KIF16B: variants seen among roughly 807,000 people sequenced by gnomAD.
KIF16B encodes kinesin family member 16B.
Under a neutral mutation model 156.3 loss-of-function variants are expected in KIF16B, and 98 were observed. The observed-to-expected ratio is 0.63, with a 90% CI of 0.53 to 0.74. The LOEUF (loss-of-function observed/expected upper bound fraction) is 0.74, where lower values mean the gene tolerates loss of function less well. Ranked by LOEUF, KIF16B falls within the 30% of genes least tolerant of loss-of-function variation. The probability of loss-of-function intolerance (pLI) is 0.00; values close to 1 mark genes in which losing one functional copy is unlikely to be tolerated. For synonymous variants in KIF16B, 564 were observed against 583.7 expected, an observed-to-expected ratio of 0.97 and a Z score of 0.49; for missense variants, 1,421 against 1,606.5, an observed-to-expected ratio of 0.88 and a Z score of 1.97.
chr20:16,328,576 T>C (rs2063895727), intron 24 of KIF16B, among the ~76,000 whole-genome samples: 1 of 152,210 alleles, frequency 6.6e-6, no homozygotes, highest in Non-Finnish European at 1.5e-5. Context: ...CCTCAATGAT[T>C]GATTCCAGTA....
At chr20:16,439,805 T>A (rs932906426) in intron 12 of KIF16B, among the ~76,000 whole-genome samples, 1 of 152,050 alleles carries the variant, frequency 6.6e-6, no homozygotes, top group Admixed American at 6.6e-5. Context: ...AAACTCCACC[T>A]CACAATACCA....
Position 16,511,520 on chromosome 20 carries a change from C to T in KIF16B, c.454G>A (p.Glu152Lys). ...TCTCTCACACGTTCGTTATAAATTT[C>T]TAAGTAGCTAAAAATTTAAAATAAA... ...ASFRTEVSYLEIYNERVRDLL... is the reference protein window; with the variant it reads ...ASFRTEVSYLKIYNERVRDLL... The change falls in exon 6 of 26, where the codon GAA becomes AAA. Residue 152 changes from glutamate to lysine, a missense_variant. Glu to Lys is a moderately conservative substitution (Grantham distance 56). Transcript: ENST00000354981. 1 of 1,586,896 alleles carries T rather than the reference C, an allele frequency of 6.3e-7. No homozygotes were observed. Among genetic ancestry groups the T allele is most frequent in the Non-Finnish European group, 8.6e-7 (1 of 1,161,558 alleles).
intron 13 of KIF16B, 92 bp downstream of exon 13, chr20:16,429,771 T>C (rs1011273142): frequency 1.8e-6 from 2 of 1,107,246 alleles, no homozygotes; most frequent in Non-Finnish European, 2.5e-6. Context: ...TTTAGTTGTG[T>C]TCATGACCAT....
intron 13 of KIF16B, among the ~76,000 whole-genome samples, 173 bp downstream of exon 13, chr20:16,429,690 C>T (rs930636164): frequency 6.6e-6 from 1 of 152,114 alleles, no homozygotes; most frequent in Admixed American, 6.6e-5. Context: ...ACTTTAAATA[C>T]CAAAGAATCC....
Position 16,427,230 on chromosome 20 carries a change from G to A in KIF16B, c.1486C>T (p.Leu496Phe), listed in dbSNP as rs773090309. 54 of 1,609,074 alleles carry A rather than the reference G, an allele frequency of 3.4e-5. 1 individual carries two copies. In the South Asian group the frequency reaches 5.4e-4, roughly 16 times the overall value. ...ATGCAATGCTCACTCTCCAAGTCAA[G>A]GCCATGAAGAACTAAAGTGGAAAAA... ...STEQDIVLHGLDLESEHCIFE... is the reference protein window; with the variant it reads ...STEQDIVLHGFDLESEHCIFE... The change falls in exon 15 of 26, where the codon CTT (leucine) becomes TTT (phenylalanine). Residue 496 changes from leucine (L) to phenylalanine (F), a missense_variant. Transcript: ENST00000354981.
chr20:16,497,375 T>G (rs1483022404), intron 11 of KIF16B, among the ~76,000 whole-genome samples: 1 of 152,242 alleles, frequency 6.6e-6, no homozygotes. Context: ...AGGATCTGCA[T>G]ATCCATTTAA....
At chr20:16,524,311 C>T (rs2069455834) in intron 3 of KIF16B, among the ~76,000 whole-genome samples, 1 of 152,052 alleles carries the variant, frequency 6.6e-6, no homozygotes, top group South Asian at 2.1e-4. Flanking sequence ...CTACAAGGAA[C>T]TTAAACAAAT....
At position 16,573,210 on chromosome 20, in the gene KIF16B, C is replaced by A. The variant is rs2071520987; in HGVS notation, c.47+19G>T. The A allele has an allele frequency of 6.4e-7, 1 of 1,573,632 alleles. No individual in the cohort carries two copies. The highest frequency in any genetic ancestry group is 8.6e-7 in the Non-Finnish European group (1 of 1,159,728). ...GTGGGGGCGCGACGAGGGGGCGGGG[C>A]GCGGGCGGCCCCACTCACCTGCGAT... On this transcript the variant is annotated intron_variant, in intron 1 of 25. Coordinates refer to ENST00000354981, the MANE Select transcript of KIF16B (RefSeq NM_024704.5).
At chr20:16,331,169 G>T (rs2063941754) in intron 24 of KIF16B, among the ~76,000 whole-genome samples, 1 of 152,174 alleles carries the variant, frequency 6.6e-6, no homozygotes, top group African/African-American at 2.4e-5. Context: ...CCTACTGAGG[G>T]TTAGATTAAG....
chr20:16,441,929 T>G (rs147321093), intron 12 of KIF16B, among the ~76,000 whole-genome samples: 22 of 152,312 alleles, frequency 1.4e-4, no homozygotes, highest in Non-Finnish European at 2.4e-4. Flanking sequence ...TAAGTCTATA[T>G]CTGTATTATA....
chr20:16,438,379 C>T (rs2066705107), intron 12 of KIF16B, among the ~76,000 whole-genome samples: 1 of 152,110 alleles, frequency 6.6e-6, no homozygotes, highest in Admixed American at 6.6e-5. Context: ...ACTTTTATTA[C>T]AGTATAATGT....
chr20:16,473,662 T>C (rs755756779), intron 12 of KIF16B, among the ~76,000 whole-genome samples: 6 of 152,178 alleles, frequency 3.9e-5, no homozygotes, highest in Non-Finnish European at 8.8e-5. Flanking sequence ...AGGAATGCAG[T>C]GTGTGCAGAC....
chr20:16,453,058 T>A (rs999147983), intron 12 of KIF16B, among the ~76,000 whole-genome samples: 4 of 143,008 alleles, frequency 2.8e-5, no homozygotes, highest in Non-Finnish European at 6.1e-5. Context: ...AGTTCCAATA[T>A]AAAATATGAA....
At chr20:16,488,404 T>C (rs1277367175) in intron 12 of KIF16B, among the ~76,000 whole-genome samples, 1 of 152,198 alleles carries the variant, frequency 6.6e-6, no homozygotes, top group African/African-American at 2.4e-5. Context: ...ACCTTGAGCA[T>C]TTTTCTTTAA....
intron 25 of KIF16B, among the ~76,000 whole-genome samples, chr20:16,299,828 A>T (rs921134920): frequency 6.6e-6 from 1 of 152,220 alleles, no homozygotes; most frequent in African/African-American, 2.4e-5. Context: ...GGGAGGCAGG[A>T]ACAACCTTTA....
chr20:16,395,476 A>G, intron 17 of KIF16B, among the ~76,000 whole-genome samples: 1 of 152,136 alleles, frequency 6.6e-6, no homozygotes, highest in East Asian at 1.9e-4. Context: ...TCATCTGGGG[A>G]GAAGCCCTCA....
intron 22 of KIF16B, among the ~76,000 whole-genome samples, chr20:16,363,018 G>A (rs2064579609): frequency 6.6e-6 from 1 of 152,182 alleles, no homozygotes; most frequent in African/African-American, 2.4e-5. Flanking sequence ...CTTAACAAGA[G>A]ATTTGATGGT....
chr20:16,275,645 CTGGTCTCA>C (rs1239835859), intron 25 of KIF16B, among the ~76,000 whole-genome samples: 2 of 152,162 alleles, frequency 1.3e-5, no homozygotes, highest in Non-Finnish European at 2.9e-5. Context: ...CCCTAACTTA[CTGGTCTCA>C]TGGTACCCTC....
chr20:16,552,113 T>G (rs2070690699), intron 1 of KIF16B, among the ~76,000 whole-genome samples: 1 of 152,208 alleles, frequency 6.6e-6, no homozygotes, highest in African/African-American at 2.4e-5. Flanking sequence ...TCATGCCTTT[T>G]AATTCAGCCT....
Sources: allele counts gnomAD v4.1 joint callset (sites outside exome capture counted in the v4.1 genomes callset), GRCh38; gene constraint gnomAD v4.1.1; transcripts MANE v1.5; gene names NCBI Gene and HGNC (gene_info 2026-07-23, HGNC 2026-07-21).